Variants in PASK observed in about 807,000 individuals in gnomAD.
PASK encodes PAS domain containing serine/threonine kinase.
In PASK, 110 loss-of-function variants were observed where a neutral mutation model predicts 121.0. The observed-to-expected ratio is 0.91, with a 90% CI of 0.78 to 1.06. The LOEUF (loss-of-function observed/expected upper bound fraction) is 1.06. Ranked by LOEUF, PASK falls within the 50% of genes least tolerant of loss-of-function variation. The pLI, the probability that PASK is intolerant of heterozygous loss-of-function variation, is 0.00. For missense variants in PASK, 1,643 were observed against 1,702.3 expected (o/e 0.97, Z 0.61); for synonymous variants, 686 against 717.8 (o/e 0.96, Z 0.71).
intron 16 of PASK, among the ~76,000 whole-genome samples, 178 bp from the exon 17 acceptor site, chr2:241,107,677 C>T (rs1489752999): frequency 1.3e-5 from 2 of 152,224 alleles, no homozygotes; most frequent in Admixed American, 6.5e-5. Flanking sequence ...ACATTCATTG[C>T]CTCTGAAATG....
In PASK at chr2:241,124,652, C is replaced by T. The variant is rs553849929; in HGVS notation, c.2720-519G>A. On this transcript the variant is annotated intron_variant, in intron 10 of 17. Transcript: ENST00000234040. ...GAAAGCATGTGTGCATTTTCCACAG[C>T]CTCCTAGCTATACACCAACATAAGT... is the stretch of plus-strand genomic sequence containing the variant. Among the ~76,000 whole-genome samples, 22 of 152,372 alleles carry T rather than the reference C, an allele frequency of 1.4e-4. 2 individuals carry two copies. In the South Asian group the frequency reaches 4.6e-3, roughly 32 times the overall value.
chr2:241,142,031 C>T (rs528748628), intron 2 of PASK, among the ~76,000 whole-genome samples: 3 of 152,318 alleles, frequency 2.0e-5, no homozygotes, highest in East Asian at 1.9e-4. Flanking sequence ...TCCTGATCAG[C>T]GCCTGGGTGA....
chr2:241,114,686 C>CTTT, intron 14 of PASK: 1 of 1,229,358 alleles, frequency 8.1e-7, no homozygotes, highest in Non-Finnish European at 1.0e-6. Flanking sequence ...ACCTGCAGGC[C>CTTT]GCTGTGCCGC....
rs1216130186 is a variant in PASK at position 241,112,446 on chromosome 2, T to A, written c.3334-7A>T. ...ATCCCACTGCTGACACTAGCTGGAA[T>A]CAGGAGGCCAGAGGGGGCTTTTTAA... On this transcript the variant is annotated splice_region_variant and splice_polypyrimidine_tract_variant and intron_variant, in intron 14 of 17. Coordinates refer to ENST00000234040, the MANE Select transcript of PASK (RefSeq NM_015148.4). This position sits in a 1 kb window ranked among gnomAD's most constrained non-coding sequence, Gnocchi z 5.2. 8.7e-6 allele frequency: 14 copies of A among 1,606,220 alleles called. No homozygotes were observed. The highest frequency in any genetic ancestry group is 1.2e-5 in the Non-Finnish European group (14 of 1,173,714).
At chr2:241,132,527 TAAAAAAAAAAAAAAA>T (rs71049553) in intron 9 of PASK, among the ~76,000 whole-genome samples, 5 of 39,526 alleles carry the variant, frequency 1.3e-4, no homozygotes, top group Admixed American at 2.5e-4. Context: ...AGACTCTGTC[TAAAAAAAAAAAAAAA>T]AAAAAAAAAA....
At position 241,143,012 on chromosome 2, in the gene PASK, T is replaced by TTTA. The variant is rs776685051; in HGVS notation, c.20_21insTAA (p.Thr7_Ala8insLys). The TTTA allele has an allele frequency of 1.5e-5, 24 of 1,613,968 alleles. No homozygotes were observed. Among genetic ancestry groups the TTTA allele is most frequent in the Non-Finnish European group, 1.5e-5 (18 of 1,179,966 alleles). On this transcript the variant is annotated inframe_insertion, in exon 2 of 18. Transcript: ENST00000234040. ...GGCATCTCTGGTCCTCTTCAAAGGC[T>TTTA]GTTAAGCCCCCGTCCTCCATGGGAA...
rs1243908543 is a variant in PASK, at chr2:241,112,527, A to G, written c.3334-88T>C. 2 of 837,792 alleles carry G rather than the reference A, an allele frequency of 2.4e-6. No individual in the cohort carries two copies. Among genetic ancestry groups the G allele is most frequent in the Non-Finnish European group, 3.8e-6 (2 of 531,528 alleles). 51.9% of individuals were successfully genotyped at this position (837,792 alleles called of 1,614,324 possible). A position where few individuals can be genotyped will look rare whatever the true frequency, so the allele number is the denominator to read the frequency against. On this transcript the variant is annotated intron_variant, in intron 14 of 17. Transcript: ENST00000234040. This position sits in a 1 kb window ranked among gnomAD's most constrained non-coding sequence, Gnocchi z 5.2. The stretch of plus-strand genomic sequence containing the variant: ...AATAAACTGGAACAAAAAAAAACAC[A>G]AAGAAAAAATAAACCTCCGACTCAT...
At chr2:241,137,805 G>T in intron 6 of PASK, 148 bp downstream of exon 6, 1 of 821,652 alleles carries the variant, frequency 1.2e-6, no homozygotes, top group Non-Finnish European at 2.1e-6. Context: ...CTTGGTCAAG[G>T]CCTCAGCGCA....
Position 241,127,181 on chromosome 2 carries a change from G to C in PASK, c.1734C>G (p.Val578=), listed in dbSNP as rs1172792767. Residue 578 remains valine (V), a synonymous_variant, in exon 10 of 18, where the codon GTC becomes GTG. Transcript: ENST00000234040. ...AAAGGTCTGAACCGCTGGGACCACTGACTCCCATCCGCTCTAGCTGGGCCT... is the reference window on the plus strand; with the variant it reads ...AAAGGTCTGAACCGCTGGGACCACTCACTCCCATCCGCTCTAGCTGGGCCT... ...CQKAQLERMG[V]SGPSGSDLWA... 8 of 1,614,058 alleles carry C rather than the reference G, an allele frequency of 5.0e-6. No individual in the cohort carries two copies. The highest frequency in any genetic ancestry group is 6.8e-6 in the Non-Finnish European group (8 of 1,180,034).
At position 241,112,084 on chromosome 2, in the gene PASK, C is replaced by T. The variant is rs984611132; in HGVS notation, c.3533+156G>A. 6.6e-6 allele frequency among the ~76,000 whole-genome samples: 1 copy of T among 152,088 alleles called. No homozygotes were observed. The highest frequency in any genetic ancestry group is 2.4e-5 in the African/African-American group (1 of 41,398). On this transcript the variant is annotated intron_variant, in intron 15 of 17. Coordinates refer to ENST00000234040, the MANE Select transcript of PASK (RefSeq NM_015148.4). The surrounding 1 kb of genome is among the most constrained non-coding windows in gnomAD (Gnocchi z 5.2). ...AGTGCCTTTGCCCAATATGACCTTG[C>T]CTGCCTGCCCACTTACTTTCCAGCA...
intron 5 of PASK, among the ~76,000 whole-genome samples, 158 bp from the exon 6 acceptor site, chr2:241,138,245 T>C (rs955954523): frequency 3.9e-5 from 6 of 152,218 alleles, no homozygotes; most frequent in African/African-American, 1.4e-4. Flanking sequence ...AAGAGCTTCA[T>C]CATCTGTCTC....
intron 1 of PASK, among the ~76,000 whole-genome samples, chr2:241,144,127 CGT>C (rs893178739): frequency 5.9e-5 from 9 of 151,924 alleles, no homozygotes; most frequent in African/African-American, 1.9e-4. Context: ...CGTGTGTGTG[CGT>C]GTGCACATGT....
intron 9 of PASK, among the ~76,000 whole-genome samples, chr2:241,130,931 G>C (rs752565904): frequency 2.0e-5 from 3 of 152,154 alleles, no homozygotes; most frequent in African/African-American, 4.8e-5. Context: ...AACAGAAGCA[G>C]TTACATGTGA....
Position 241,115,859 on chromosome 2 carries a change from C to T in PASK, c.3073-446G>A, listed in dbSNP as rs577177261. ...CAAGCATCCCATTACGCCGGGGCCA[C>T]CCGGTCCCCAAGCATCCCGTTACGC... is the stretch of plus-strand genomic sequence containing the variant. On this transcript the variant is annotated intron_variant, in intron 12 of 17. Transcript: ENST00000234040. Among the ~76,000 whole-genome samples, 3 of 140,618 alleles carry T rather than the reference C, an allele frequency of 2.1e-5. No individual in the cohort carries two copies. In the East Asian group the frequency reaches 6.3e-4, roughly 29 times the overall value. 92.3% of individuals were successfully genotyped at this position (140,618 alleles called of 152,430 possible).
upstream of PASK, chr2:241,149,623 C>T: frequency 6.5e-7 from 1 of 1,534,988 alleles, no homozygotes; most frequent in Non-Finnish European, 8.7e-7. Context: ...ACCCCTACGG[C>T]GCTTCGGAGG....
intron 14 of PASK, chr2:241,114,548 G>A: frequency 9.9e-7 from 1 of 1,007,990 alleles, no homozygotes; most frequent in Non-Finnish European, 1.2e-6. Context: ...ATAAAATAAT[G>A]GCCGAAGTTC....
chr2:241,143,620 GGAGA>G (rs146389793), intron 1 of PASK, among the ~76,000 whole-genome samples: 1 of 152,066 alleles, frequency 6.6e-6, no homozygotes, highest in African/African-American at 2.4e-5. Flanking sequence ...AAAGAGGGAA[GGAGA>G]GAGAGAGGAA....
In PASK at chr2:241,126,776, T is replaced by C. The variant is rs2065885901; in HGVS notation, c.2139A>G (p.Ser713=). ...DLCGGCTGSS[S]ACYALATDLP... is the part of the protein sequence containing the mutation. The stretch of plus-strand genomic sequence containing the variant: ...GGTCCGTGGCCAAGGCATAGCAGGC[T>C]GAGGAGCTGCCCGTGCAGCCACCGC... The change falls in exon 10 of 18, where the codon TCA becomes TCG. Residue 713 remains serine (S), a synonymous_variant. Transcript: ENST00000234040. 1 of 1,613,976 alleles carries C rather than the reference T, an allele frequency of 6.2e-7. No individual in the cohort carries two copies.
chr2:241,125,309 A>T (rs1298217977), intron 10 of PASK, among the ~76,000 whole-genome samples: 28 of 149,132 alleles, frequency 1.9e-4, no homozygotes, highest in African/African-American at 6.7e-4. Flanking sequence ...CTCAAAAAAT[A>T]AAAAAAATAG....
Sources: allele counts gnomAD v4.1 joint callset (sites outside exome capture counted in the v4.1 genomes callset), GRCh38; gene constraint gnomAD v4.1.1; non-coding constraint Gnocchi (gnomAD v3.1); transcripts MANE v1.5; gene names NCBI Gene and HGNC (gene_info 2026-07-23, HGNC 2026-07-21).